The following SEMA6D variants were observed in gnomAD, a reference collection of about 807,000 sequenced individuals.
The protein encoded by SEMA6D is semaphorin-6D.
Under a neutral mutation model 106.6 loss-of-function variants are expected in SEMA6D, and 35 were observed. That is an observed-to-expected ratio of 0.33 (90% CI 0.25 to 0.44). The LOEUF (loss-of-function observed/expected upper bound fraction) is 0.44, where lower values mean the gene tolerates loss of function less well. SEMA6D is among the 20% of genes least tolerant of loss of function. The pLI is 1.00. For synonymous variants in SEMA6D, 499 were observed against 487.7 expected, an observed-to-expected ratio of 1.02 and a Z score of -0.31; for missense variants, 1,185 against 1,345.9, an observed-to-expected ratio of 0.88 and a Z score of 1.87.
intron 3 of SEMA6D, among the ~76,000 whole-genome samples, chr15:47,490,123 A>G (rs1031001192): frequency 2.0e-5 from 3 of 152,134 alleles, no homozygotes; most frequent in Admixed American, 1.3e-4. Flanking sequence ...ATATCATACT[A>G]TTTTGTAATC....
At chr15:47,358,452 T>C (rs1041373125) in intron 1 of SEMA6D, among the ~76,000 whole-genome samples, 2 of 152,220 alleles carry the variant, frequency 1.3e-5, no homozygotes, top group African/African-American at 4.8e-5. Flanking sequence ...TAGACTGTAA[T>C]TGCTTCCTAA....
rs139313735 is a variant in SEMA6D at position 47,687,946 on chromosome 15, T to G, written c.-54-71799T>G. Among the ~76,000 whole-genome samples the G allele has an allele frequency of 6.0e-4, 91 of 152,288 alleles. 1 individual carries two copies. The highest frequency in any genetic ancestry group is 6.8e-3 in the Middle Eastern group (2 of 294). On this transcript the variant is annotated intron_variant, in intron 4 of 19. Transcript: ENST00000558014. ...GCTAAAATTTAGGACATGTAGAATT[T>G]TGATAGCTCATGTTCCTGTGCGCTA...
intron 4 of SEMA6D, among the ~76,000 whole-genome samples, chr15:47,664,981 T>C (rs1264964182): frequency 6.6e-6 from 1 of 152,158 alleles, no homozygotes; most frequent in Non-Finnish European, 1.5e-5. Flanking sequence ...TGCCCTGCTT[T>C]AATGGAGGTG....
intron 4 of SEMA6D, among the ~76,000 whole-genome samples, chr15:47,602,186 C>CA (rs1407892004): frequency 6.6e-6 from 1 of 152,244 alleles, no homozygotes; most frequent in Admixed American, 6.5e-5. Flanking sequence ...TATACAGTAA[C>CA]AAACAGGATT....
At chr15:47,762,365 GC>G (rs1320264935) in intron 8 of SEMA6D, 46 bp downstream of exon 8, 3 of 1,602,480 alleles carry the variant, frequency 1.9e-6, no homozygotes, top group Non-Finnish European at 2.6e-6. Flanking sequence ...ATAGTGGATG[GC>G]CCAAGTGGGG....
chr15:47,536,625 C>G (rs1322826668), intron 3 of SEMA6D, among the ~76,000 whole-genome samples: 2 of 152,164 alleles, frequency 1.3e-5, no homozygotes, highest in African/African-American at 4.8e-5. Context: ...TTATTGGTCT[C>G]ATGTTGTCTT....
chr15:47,560,626 A>T (rs1286611334), intron 3 of SEMA6D, among the ~76,000 whole-genome samples: 1 of 152,134 alleles, frequency 6.6e-6, no homozygotes, highest in Non-Finnish European at 1.5e-5. Flanking sequence ...GGGGAAAAAA[A>T]AGTAAAGGGG....
At chr15:47,394,806 G>T (rs1056601964) in intron 1 of SEMA6D, among the ~76,000 whole-genome samples, 1 of 152,156 alleles carries the variant, frequency 6.6e-6, no homozygotes, top group African/African-American at 2.4e-5. Context: ...ACCGCCACAC[G>T]TGCAAATTAC....
intron 1 of SEMA6D, among the ~76,000 whole-genome samples, chr15:47,288,853 C>T (rs751605256): frequency 8.5e-5 from 13 of 152,218 alleles, no homozygotes; most frequent in East Asian, 1.9e-4. Context: ...CCGAGCACAA[C>T]TTAATCAACT....
At chr15:47,341,356 C>T (rs1391655799) in intron 1 of SEMA6D, among the ~76,000 whole-genome samples, 1 of 152,146 alleles carries the variant, frequency 6.6e-6, no homozygotes, top group African/African-American at 2.4e-5. Flanking sequence ...CGCCACTGCA[C>T]TCCAGCCTGG....
intron 1 of SEMA6D, among the ~76,000 whole-genome samples, chr15:47,258,212 G>A (rs570377155): frequency 3.9e-5 from 6 of 152,278 alleles, no homozygotes; most frequent in Admixed American, 1.3e-4. Flanking sequence ...AATCTGCAGT[G>A]CCAATCTTTT....
chr15:47,237,058 G>T (rs963557676), intron 1 of SEMA6D, among the ~76,000 whole-genome samples: 4 of 152,088 alleles, frequency 2.6e-5, no homozygotes, highest in African/African-American at 9.7e-5. Flanking sequence ...GAATTTTTGT[G>T]TTCTTGAACA....
chr15:47,581,575 G>T (rs2076255060), intron 3 of SEMA6D, among the ~76,000 whole-genome samples: 1 of 151,828 alleles, frequency 6.6e-6, no homozygotes, highest in Admixed American at 6.5e-5. Flanking sequence ...AGCATTCTAG[G>T]AGGAGTAGTG....
intron 3 of SEMA6D, among the ~76,000 whole-genome samples, chr15:47,511,063 C>A (rs1171566507): frequency 6.6e-6 from 1 of 152,084 alleles, no homozygotes; most frequent in Non-Finnish European, 1.5e-5. Context: ...ACATGTAAAG[C>A]TTCAAATTTC....
intron 4 of SEMA6D, among the ~76,000 whole-genome samples, chr15:47,706,862 TAA>T (rs2078921946): frequency 6.6e-6 from 1 of 152,228 alleles, no homozygotes; most frequent in Admixed American, 6.5e-5. Flanking sequence ...TATTACATGA[TAA>T]ATTGTCCTGA....
intron 1 of SEMA6D, among the ~76,000 whole-genome samples, chr15:47,323,980 A>G (rs1306166342): frequency 1.3e-5 from 1 of 76,908 alleles, no homozygotes; most frequent in Non-Finnish European, 2.5e-5. Context: ...GACATATACA[A>G]GTGGCAAAAA....
At position 47,564,842 on chromosome 15, in the gene SEMA6D, G is replaced by C. The variant is rs2046184246; in HGVS notation, c.-86-36023G>C. 2.0e-5 allele frequency among the ~76,000 whole-genome samples: 3 copies of C among 152,144 alleles called. No individual in the cohort carries two copies. The South Asian group carries it at 6.2e-4, about 32-fold the overall frequency. On this transcript the variant is annotated intron_variant, in intron 3 of 19. Transcript: ENST00000558014. ...GACCCCAGACTCAGCCAGCAGAGAG[G>C]AAGAAGAATCTAGACATCGGGACAA...
At chr15:47,244,005 G>A (rs2033069908) in intron 1 of SEMA6D, among the ~76,000 whole-genome samples, 1 of 152,114 alleles carries the variant, frequency 6.6e-6, no homozygotes, top group African/African-American at 2.4e-5. Context: ...ATGATATCAG[G>A]TAGTGATAAG....
intron 1 of SEMA6D, among the ~76,000 whole-genome samples, chr15:47,221,412 G>A (rs2031196328): frequency 1.3e-5 from 2 of 152,124 alleles, no homozygotes; most frequent in Admixed American, 1.3e-4. Flanking sequence ...TCCAACCCTT[G>A]ATTATTTCAT....
Sources: gnomAD v4.1 joint callset for allele counts (sites outside exome capture counted in the v4.1 genomes callset) on GRCh38, gnomAD v4.1.1 for gene constraint, MANE v1.5 for transcripts, NCBI Gene and HGNC (gene_info 2026-07-23, HGNC 2026-07-21) for gene names.